The following STK3 variants were observed in gnomAD, a reference collection of about 807,000 sequenced individuals.
STK3 encodes serine/threonine-protein kinase 3.
In STK3, 41 loss-of-function variants were observed where a neutral mutation model predicts 58.0. That is an observed-to-expected ratio of 0.71 (90% CI 0.55 to 0.92). The LOEUF is 0.92. STK3 is among the 40% of genes least tolerant of loss of function. The probability of loss-of-function intolerance (pLI) is 0.00; values close to 1 mark genes in which losing one functional copy is unlikely to be tolerated. For missense variants in STK3, 479 were observed against 602.7 expected (o/e 0.79, Z 2.15); for synonymous variants, 170 against 191.0 (o/e 0.89, Z 0.91).
At chr8:98,867,379 G>A (rs1039844909) in intron 3 of STK3, among the ~76,000 whole-genome samples, 6 of 152,154 alleles carry the variant, frequency 3.9e-5, no homozygotes, top group Admixed American at 6.5e-5. Flanking sequence ...GCGCCCCTGC[G>A]TTCCAGCCTG....
chr8:98,926,202 G>C (rs923151715), intron 1 of STK3, among the ~76,000 whole-genome samples: 3 of 152,148 alleles, frequency 2.0e-5, no homozygotes, highest in East Asian at 1.9e-4. Context: ...ATAAGGGTTG[G>C]GGGGAGAGCA....
intron 3 of STK3, among the ~76,000 whole-genome samples, chr8:98,850,592 G>A (rs1238756824): frequency 6.6e-6 from 1 of 152,172 alleles, no homozygotes; most frequent in African/African-American, 2.4e-5. Context: ...CAGGGAATGA[G>A]GGCCAAAGAA....
intron 3 of STK3, among the ~76,000 whole-genome samples, chr8:98,424,551 G>A (rs1037318680): frequency 1.3e-5 from 2 of 152,198 alleles, no homozygotes; most frequent in Non-Finnish European, 2.9e-5. Context: ...CTGGTCTGCA[G>A]GTGGGGTGGC....
intron 3 of STK3, among the ~76,000 whole-genome samples, chr8:98,838,986 TTTTGTGTGTGTG>T (rs1255535082): frequency 7.6e-6 from 1 of 131,756 alleles, no homozygotes; most frequent in Admixed American, 7.5e-5. Context: ...TGTTTGTTTG[TTTTGTGTGTGTG>T]TGTGTGTGTG....
intron 1 of STK3, among the ~76,000 whole-genome samples, chr8:98,819,341 C>T (rs1834748179): frequency 6.6e-6 from 1 of 151,910 alleles, no homozygotes; most frequent in African/African-American, 2.4e-5. Flanking sequence ...CTGAAGTGTT[C>T]CTAGAGTCAA....
chr8:98,672,391 G>C (rs1587248784), intron 6 of STK3, among the ~76,000 whole-genome samples: 1 of 152,198 alleles, frequency 6.6e-6, no homozygotes, highest in Non-Finnish European at 1.5e-5. Flanking sequence ...GGGAAAGAAA[G>C]AATTTTTGTT....
intron 1 of STK3, among the ~76,000 whole-genome samples, chr8:98,923,609 G>A (rs1052816203): frequency 3.3e-5 from 5 of 152,128 alleles, no homozygotes; most frequent in Non-Finnish European, 5.9e-5. Flanking sequence ...AGCACAGAAC[G>A]ACGGAGTCTC....
intron 1 of STK3, among the ~76,000 whole-genome samples, chr8:98,798,443 C>A (rs780380165): frequency 2.0e-5 from 3 of 152,110 alleles, no homozygotes; most frequent in Non-Finnish European, 4.4e-5. Context: ...TGTTTTTAAT[C>A]AAAGGCCCCC....
intron 1 of STK3, among the ~76,000 whole-genome samples, chr8:98,444,441 G>A (rs968345988): frequency 2.6e-5 from 4 of 152,336 alleles, no homozygotes; most frequent in African/African-American, 9.6e-5. Flanking sequence ...ATCGACTGAG[G>A]AGGAACAAGC....
upstream of STK3, among the ~76,000 whole-genome samples, chr8:98,390,141 A>G (rs1013328796): frequency 1.3e-5 from 2 of 152,142 alleles, no homozygotes; most frequent in East Asian, 3.8e-4. Context: ...CAGTGTTCCA[A>G]GTTTTCATCT....
chr8:98,462,964 G>A (rs1256182356), intron 10 of STK3: 1 of 152,066 alleles, frequency 6.6e-6, no homozygotes, highest in Non-Finnish European at 1.5e-5. Context: ...AATGCTTCAC[G>A]AATTTGCATG....
At chr8:98,682,514 C>A (rs1737822680) in intron 6 of STK3, among the ~76,000 whole-genome samples, 1 of 152,136 alleles carries the variant, frequency 6.6e-6, no homozygotes, top group Non-Finnish European at 1.5e-5. Context: ...TCTTACCTTG[C>A]ATTGCATAGC....
At chr8:98,344,984 A>C in the STK3 span, among the ~76,000 whole-genome samples, 1 of 151,598 alleles carries the variant, frequency 6.6e-6, no homozygotes, top group East Asian at 1.9e-4. Context: ...GTAATGTTGC[A>C]AGGCAGGTGA....
chr8:98,809,117 A>G (rs1204097796), intron 1 of STK3, among the ~76,000 whole-genome samples: 5 of 152,138 alleles, frequency 3.3e-5, no homozygotes, highest in African/African-American at 1.2e-4. Context: ...TGCACTGGGG[A>G]CCCTTCCAGA....
chr8:98,584,763 G>A (rs1249150491), intron 7 of STK3, among the ~76,000 whole-genome samples: 1 of 148,880 alleles, frequency 6.7e-6, no homozygotes, highest in Non-Finnish European at 1.5e-5. Context: ...AGCACCTGTT[G>A]TTTCCTGACT....
At chr8:98,906,181 AG>A (rs1838892299) in intron 1 of STK3, 1 of 152,626 alleles carries the variant, frequency 6.6e-6, no homozygotes, top group Admixed American at 6.5e-5. Context: ...TAGAAGCTAC[AG>A]TTTTTCAATT....
chr8:98,414,577 G>GCATACTCAAATCCAA (rs1415624247), intron 3 of STK3, among the ~76,000 whole-genome samples: 2 of 152,218 alleles, frequency 1.3e-5, no homozygotes, highest in African/African-American at 4.8e-5. Context: ...GCTTGCTAAA[G>GCATACTCAAATCCAA]CATACTCAAA....
chr8:98,824,771 T>C (rs1017099914), intron 1 of STK3, among the ~76,000 whole-genome samples: 3 of 152,248 alleles, frequency 2.0e-5, no homozygotes, highest in African/African-American at 7.2e-5. Context: ...ACGAACTCTT[T>C]AATCTTCACA....
At chr8:98,460,378 C>T (rs1333158505) in intron 10 of STK3, among the ~76,000 whole-genome samples, 1 of 152,146 alleles carries the variant, frequency 6.6e-6, no homozygotes, top group Non-Finnish European at 1.5e-5. Flanking sequence ...CACTAACTTG[C>T]TTTTGATTTT....
Sources: gnomAD v4.1 joint callset for allele counts (sites outside exome capture counted in the v4.1 genomes callset) on GRCh38, gnomAD v4.1.1 for gene constraint, MANE v1.5 for transcripts, NCBI Gene and HGNC (gene_info 2026-07-23, HGNC 2026-07-21) for gene names.